The following PSPC1 variants were observed in gnomAD, a reference collection of about 807,000 sequenced individuals.
PSPC1 encodes the protein paraspeckle protein 1.
In PSPC1, 14 loss-of-function variants were observed where a neutral mutation model predicts 51.6. That is an observed-to-expected ratio of 0.27 (90% CI 0.18 to 0.42). PSPC1 has a LOEUF of 0.42. Ranked by LOEUF, PSPC1 falls within the 10% of genes least tolerant of loss-of-function variation. PSPC1 has a pLI of 1.00. For missense variants in PSPC1, 406 were observed against 701.1 expected (o/e 0.58, Z 4.75); for synonymous variants, 193 against 231.9 (o/e 0.83, Z 1.53).
chr13:19,673,115 A>G (rs1876245781), downstream of PSPC1: 1 of 448,954 alleles, frequency 2.2e-6, no homozygotes, highest in Non-Finnish European at 4.4e-6. Flanking sequence ...TTTTTTGAAA[A>G]GCCAGACCTT....
At chr13:19,688,375 C>T (rs956521924) in intron 6 of PSPC1, among the ~76,000 whole-genome samples, 2 of 151,910 alleles carry the variant, frequency 1.3e-5, no homozygotes, top group Non-Finnish European at 2.9e-5. Context: ...AAGATGTATG[C>T]TTTATTGAGA....
intron 5 of PSPC1, among the ~76,000 whole-genome samples, chr13:19,735,112 G>A (rs1005353646): frequency 1.3e-5 from 2 of 152,080 alleles, no homozygotes; most frequent in Admixed American, 6.6e-5. Context: ...AAGGGTTTGC[G>A]ACCAGCTTGG....
chr13:19,746,189 G>A (rs561119185), intron 4 of PSPC1, among the ~76,000 whole-genome samples: 14 of 151,070 alleles, frequency 9.3e-5, no homozygotes, highest in Admixed American at 4.0e-4. Context: ...GGATCACGAG[G>A]TCAGGAGTTC....
At chr13:19,739,754 T>C (rs116757202) in intron 5 of PSPC1, among the ~76,000 whole-genome samples, 1,540 of 147,556 alleles carry the variant, frequency 0.01, 27 homozygotes, top group African/African-American at 0.037. Flanking sequence ...CAAAATAAAA[T>C]TTAAAAAAAA....
At chr13:19,713,301 T>C (rs1431325985) in intron 6 of PSPC1, among the ~76,000 whole-genome samples, 1 of 152,112 alleles carries the variant, frequency 6.6e-6, no homozygotes, top group Admixed American at 6.5e-5. Context: ...AAAATAAACC[T>C]ATGATGAAAA....
intron 3 of PSPC1, among the ~76,000 whole-genome samples, chr13:19,754,660 G>A (rs184168445): frequency 0.015 from 2,212 of 143,536 alleles, 22 homozygotes; most frequent in Non-Finnish European, 0.022. Context: ...GGCTGGTCTC[G>A]AACTCCTGAC....
At chr13:19,713,544 C>CGA (rs1250728037) in intron 6 of PSPC1, among the ~76,000 whole-genome samples, 7 of 6,576 alleles carry the variant, frequency 1.1e-3, no homozygotes, top group Admixed American at 2.3e-3. Flanking sequence ...TCCCAGACAG[C>CGA]CAAAAAAAAA....
chr13:19,746,969 G>A (rs1487033289), intron 4 of PSPC1, among the ~76,000 whole-genome samples: 1 of 152,080 alleles, frequency 6.6e-6, no homozygotes, highest in Non-Finnish European at 1.5e-5. Context: ...TTAGCCAGGC[G>A]TGGTGGCGCA....
intron 2 of PSPC1, among the ~76,000 whole-genome samples, chr13:19,760,993 A>T (rs1400958726): frequency 1.4e-5 from 2 of 145,126 alleles, no homozygotes; most frequent in African/African-American, 2.5e-5. Context: ...GTCTCAAATT[A>T]AAAAAAAAAA....
At chr13:19,717,741 T>A in intron 6 of PSPC1, among the ~76,000 whole-genome samples, 1 of 145,262 alleles carries the variant, frequency 6.9e-6, no homozygotes, top group Non-Finnish European at 1.5e-5. Flanking sequence ...TAGCCGGGCA[T>A]GGTGGTGCAC....
intron 6 of PSPC1, among the ~76,000 whole-genome samples, chr13:19,716,253 A>G (rs546997831): frequency 1.3e-5 from 2 of 152,284 alleles, no homozygotes; most frequent in South Asian, 2.1e-4. Context: ...TTGTGGGTGT[A>G]TATGTGTGTG....
intron 6 of PSPC1, among the ~76,000 whole-genome samples, chr13:19,716,919 G>C (rs1377872278): frequency 6.6e-6 from 1 of 152,078 alleles, no homozygotes; most frequent in Non-Finnish European, 1.5e-5. Context: ...GCCAGGCGCG[G>C]TGGCTCACTC....
rs768690802 is a variant in PSPC1, at chr13:19,730,277, G to T, written c.1120C>A (p.Arg374=). ...IRHREQEELR[R]QQEGFKPNYM... ...TTTGGCTTAAAGCCCTCTTGCTGTCGCCTCAGTTCCTCCTGTTCTCTGTGT... is the reference window on the plus strand; with the variant it reads ...TTTGGCTTAAAGCCCTCTTGCTGTCTCCTCAGTTCCTCCTGTTCTCTGTGT... Residue 374 remains arginine (R), a synonymous_variant, in exon 6 of 9, where the codon CGA becomes AGA. Coordinates refer to ENST00000338910, the MANE Select transcript of PSPC1 (RefSeq NM_001354909.2). The T allele has an allele frequency of 6.2e-7, 1 of 1,613,180 alleles. No individual in the cohort carries two copies. The highest frequency in any genetic ancestry group is 8.5e-7 in the Non-Finnish European group (1 of 1,179,646).
chr13:19,738,722 A>G (rs534659670), intron 5 of PSPC1, among the ~76,000 whole-genome samples: 14 of 152,294 alleles, frequency 9.2e-5, no homozygotes, highest in African/African-American at 3.4e-4. Flanking sequence ...CCTGGCTAAC[A>G]CGGTGAAACC....
intron 4 of PSPC1, among the ~76,000 whole-genome samples, chr13:19,748,613 T>G (rs1284443055): frequency 6.6e-6 from 1 of 152,034 alleles, no homozygotes; most frequent in Non-Finnish European, 1.5e-5. Flanking sequence ...CTCAGACATG[T>G]CTCCCATAAC....
At position 19,782,889 on chromosome 13, in the gene PSPC1, G is replaced by C; in HGVS notation, c.-132C>G. 2 of 1,081,578 alleles carry C rather than the reference G, an allele frequency of 1.8e-6. No homozygotes were observed. The highest frequency in any genetic ancestry group is 2.4e-6 in the Non-Finnish European group (2 of 817,310). 67.0% of individuals were successfully genotyped at this position (1,081,578 alleles called of 1,614,324 possible). A position where few individuals can be genotyped will look rare whatever the true frequency, so the allele number is the denominator to read the frequency against. Reference sequence around the variant, plus strand: ...AATCAAGAGACCGCTAGGTAGGCGAGTCGGCAACCCGTCCTCCCCCAACTC... The same window carrying C: ...AATCAAGAGACCGCTAGGTAGGCGACTCGGCAACCCGTCCTCCCCCAACTC... On this transcript the variant is annotated 5_prime_UTR_variant, in exon 1 of 9. Coordinates refer to ENST00000338910, the MANE Select transcript of PSPC1 (RefSeq NM_001354909.2). This position sits in a 1 kb window ranked among gnomAD's most constrained non-coding sequence, Gnocchi z 4.5.
At chr13:19,702,447 G>A (rs925716918), downstream of PSPC1, 3 of 152,094 alleles carry the variant, frequency 2.0e-5, no homozygotes, top group Admixed American at 1.3e-4. Context: ...TGGCAGATAT[G>A]TTTAAAACTA....
At chr13:19,689,607 A>C (rs778324409) in intron 6 of PSPC1, among the ~76,000 whole-genome samples, 6 of 152,222 alleles carry the variant, frequency 3.9e-5, no homozygotes, top group Non-Finnish European at 7.4e-5. Context: ...GAAGAAAAAA[A>C]CAATGCTTCT....
At position 19,759,348 on chromosome 13, in the gene PSPC1, T is replaced by C. The variant is rs746004991; in HGVS notation, c.745A>G (p.Met249Val). 1.2e-6 allele frequency: 2 copies of C among 1,614,074 alleles called. No individual in the cohort carries two copies. The highest frequency in any genetic ancestry group is 1.1e-5 in the South Asian group (1 of 91,082). ...DDEDGLPEKL[M>V]QKTQQYHKER... ...TTATGATATTGTTGAGTTTTCTGCATCAGCTTCTCTGGCAAGCCATCTTCA... is the reference window on the plus strand; with the variant it reads ...TTATGATATTGTTGAGTTTTCTGCACCAGCTTCTCTGGCAAGCCATCTTCA... Residue 249 changes from methionine (M) to valine (V), a missense_variant, in exon 3 of 9, where the codon ATG becomes GTG. Transcript: ENST00000338910.
Sources: gnomAD v4.1 joint callset for allele counts (sites outside exome capture counted in the v4.1 genomes callset) on GRCh38, gnomAD v4.1.1 for gene constraint, Gnocchi (gnomAD v3.1) non-coding constraint, MANE v1.5 for transcripts, NCBI Gene and HGNC (gene_info 2026-07-23, HGNC 2026-07-21) for gene names.